The following DCC variants were observed in gnomAD, a reference collection of about 807,000 sequenced individuals.
DCC encodes the protein netrin receptor DCC.
DCC carries 58 observed loss-of-function variants against 172.5 expected under a neutral mutation model. That is an observed-to-expected ratio of 0.34 (90% CI 0.27 to 0.42). The LOEUF (loss-of-function observed/expected upper bound fraction) is 0.42. Ranked by LOEUF, DCC falls within the 10% of genes least tolerant of loss-of-function variation. The pLI is 1.00. For synonymous variants in DCC, 709 were observed against 644.5 expected, an observed-to-expected ratio of 1.10 and a Z score of -1.52; for missense variants, 1,740 against 1,791.0, an observed-to-expected ratio of 0.97 and a Z score of 0.51.
At chr18:53,145,143 C>G (rs1340492885) in intron 7 of DCC, among the ~76,000 whole-genome samples, 1 of 106,658 alleles carries the variant, frequency 9.4e-6, no homozygotes. Context: ...GAGACCGACT[C>G]TTGCTCTGTT....
intron 1 of DCC, among the ~76,000 whole-genome samples, chr18:52,434,398 G>T (rs754756816): frequency 6.6e-6 from 1 of 152,102 alleles, no homozygotes; most frequent in Non-Finnish European, 1.5e-5. Flanking sequence ...GGCCCAAAAT[G>T]CTAAGAGTGC....
intron 1 of DCC, among the ~76,000 whole-genome samples, chr18:52,510,923 G>GA (rs532623305): frequency 4.2e-4 from 64 of 152,124 alleles, no homozygotes; most frequent in African/African-American, 1.4e-3. Context: ...ACTTACAGGT[G>GA]AAAAAAAGCT....
chr18:53,197,799 C>T (rs993604335), intron 9 of DCC, among the ~76,000 whole-genome samples: 1 of 151,828 alleles, frequency 6.6e-6, no homozygotes, highest in African/African-American at 2.4e-5. Flanking sequence ...AAATTTCTTA[C>T]AGTAAAGGGA....
At chr18:53,457,502 A>G (rs1028421111) in intron 23 of DCC, among the ~76,000 whole-genome samples, 1 of 152,204 alleles carries the variant, frequency 6.6e-6, no homozygotes, top group Non-Finnish European at 1.5e-5. Context: ...AGCCACACAG[A>G]TGCTGGTGTT....
chr18:52,888,662 C>T (rs1461571269), intron 2 of DCC, among the ~76,000 whole-genome samples: 1 of 151,818 alleles, frequency 6.6e-6, no homozygotes. Flanking sequence ...TTAATTATGT[C>T]AGTTATTTAA....
intron 1 of DCC, among the ~76,000 whole-genome samples, chr18:52,535,728 A>G (rs1462417493): frequency 1.3e-5 from 2 of 152,330 alleles, no homozygotes; most frequent in Non-Finnish European, 2.9e-5. Flanking sequence ...TGAAATAAAA[A>G]TAATATATTC....
chr18:53,235,962 A>C (rs2056196741), intron 12 of DCC, among the ~76,000 whole-genome samples: 1 of 152,252 alleles, frequency 6.6e-6, no homozygotes, highest in Non-Finnish European at 1.5e-5. Context: ...TGTTAAGTAT[A>C]ATTCCATTGA....
At chr18:52,986,835 T>TACATAC (rs1555692526) in intron 5 of DCC, among the ~76,000 whole-genome samples, 1 of 135,990 alleles carries the variant, frequency 7.4e-6, no homozygotes, top group East Asian at 2.6e-4. Flanking sequence ...CACATATACA[T>TACATAC]ACACACACAC....
At chr18:53,211,715 C>G (rs1311643898) in intron 11 of DCC, among the ~76,000 whole-genome samples, 2 of 151,712 alleles carry the variant, frequency 1.3e-5, no homozygotes, top group African/African-American at 2.4e-5. Context: ...CAGAGCGAGA[C>G]TCTGTCTCAA....
intron 15 of DCC, among the ~76,000 whole-genome samples, chr18:53,367,480 T>A (rs2058019148): frequency 6.6e-6 from 1 of 152,200 alleles, no homozygotes; most frequent in South Asian, 2.1e-4. Context: ...AAGTCCTACA[T>A]AGATATCATT....
intron 1 of DCC, among the ~76,000 whole-genome samples, chr18:52,619,679 A>T (rs2034445487): frequency 6.6e-6 from 1 of 152,160 alleles, no homozygotes; most frequent in Non-Finnish European, 1.5e-5. Flanking sequence ...TGTCCTTATT[A>T]TGTGTAAAAT....
At chr18:53,264,356 G>A (rs906932078) in intron 12 of DCC, among the ~76,000 whole-genome samples, 17 of 151,730 alleles carry the variant, frequency 1.1e-4, no homozygotes, top group South Asian at 4.2e-4. Flanking sequence ...ACGTGGTGGC[G>A]GCTGCGTGTA....
chr18:52,646,753 A>G (rs1598984634), intron 1 of DCC, among the ~76,000 whole-genome samples: 1 of 152,224 alleles, frequency 6.6e-6, no homozygotes, highest in African/African-American at 2.4e-5. Context: ...GAAGGGGTGC[A>G]CCAGCCTCCA....
rs183233090 is a variant in DCC at position 52,808,890 on chromosome 18, C to T, written c.412+56516C>T. Among the ~76,000 whole-genome samples the T allele has an allele frequency of 4.0e-3, 613 of 152,304 alleles. 6 individuals are homozygous for T. The highest frequency in any genetic ancestry group is 0.014 in the African/African-American group (590 of 41,574). On this transcript the variant is annotated intron_variant, in intron 2 of 28. Transcript: ENST00000442544. The stretch of plus-strand genomic sequence containing the variant: ...CCTATGAGATTTTAGAGCTTCTCAA[C>T]GGACTTAATGACCAATTAAAGCTCT...
At chr18:52,783,361 T>TTTTTTAA (rs2037591293) in intron 2 of DCC, among the ~76,000 whole-genome samples, 2 of 107,870 alleles carry the variant, frequency 1.9e-5, no homozygotes, top group Non-Finnish European at 3.7e-5. Context: ...TTTTTTTTTT[T>TTTTTTAA]ACAACACAAA....
rs1009273132 is a variant in DCC at position 53,532,213 on chromosome 18, C to G, written c.*1560C>G. ...TAAAAGAGCATGGAAGGGATAGGAT[C>G]TTTACAACCTAATAGCTCCTTTTAT... On this transcript the variant is annotated 3_prime_UTR_variant, in exon 29 of 29. Coordinates refer to ENST00000442544, the MANE Select transcript of DCC (RefSeq NM_005215.4). 1.3e-5 allele frequency: 2 copies of G among 152,150 alleles called. No homozygotes were observed. Among genetic ancestry groups the G allele is most frequent in the African/African-American group, 4.8e-5 (2 of 41,440 alleles). 9.4% of individuals were successfully genotyped at this position (152,150 alleles called of 1,614,324 possible).
intron 22 of DCC, among the ~76,000 whole-genome samples, chr18:53,446,084 A>G (rs1912579958): frequency 2.3e-5 from 3 of 129,090 alleles, no homozygotes; most frequent in Admixed American, 8.5e-5. Context: ...CAACATAAGA[A>G]GACCCTGTCT....
chr18:53,063,910 T>C (rs571962437), intron 6 of DCC, among the ~76,000 whole-genome samples: 1 of 152,114 alleles, frequency 6.6e-6, no homozygotes, highest in Non-Finnish European at 1.5e-5. Context: ...AGCTTTTTTT[T>C]CCTACCCTGC....
chr18:52,951,241 C>G (rs1047982964), intron 5 of DCC, among the ~76,000 whole-genome samples: 17 of 152,104 alleles, frequency 1.1e-4, no homozygotes, highest in Admixed American at 6.5e-4. Flanking sequence ...TTACACTAAC[C>G]TGCCTCCATA....
Sources: allele counts gnomAD v4.1 joint callset (sites outside exome capture counted in the v4.1 genomes callset), GRCh38; gene constraint gnomAD v4.1.1; transcripts MANE v1.5; gene names NCBI Gene and HGNC (gene_info 2026-07-23, HGNC 2026-07-21).